Variants in MAML3 observed in about 807,000 individuals in gnomAD.
MAML3 encodes mastermind like transcriptional coactivator 3.
MAML3 carries 27 observed loss-of-function variants against 101.9 expected under a neutral mutation model. The observed-to-expected ratio is 0.27, with a 90% confidence interval of 0.20 to 0.37. The LOEUF (loss-of-function observed/expected upper bound fraction) is 0.37, where lower values mean the gene tolerates loss of function less well. MAML3 is among the 10% of genes least tolerant of loss of function. The pLI, the probability that MAML3 is intolerant of heterozygous loss-of-function variation, is 1.00. For synonymous variants in MAML3, 501 were observed against 555.9 expected, an observed-to-expected ratio of 0.90 and a Z score of 1.39; for missense variants, 1,316 against 1,444.9, an observed-to-expected ratio of 0.91 and a Z score of 1.45.
At chr4:139,767,809 A>C (rs1419110058) in intron 2 of MAML3, among the ~76,000 whole-genome samples, 1 of 152,260 alleles carries the variant, frequency 6.6e-6, no homozygotes, top group Non-Finnish European at 1.5e-5. Context: ...AAAGGGTTAG[A>C]GAGAATCTCA....
Position 140,060,321 on chromosome 4 carries a change from G to A in MAML3, c.468+92539C>T, listed in dbSNP as rs13103470. ...GGGGAGGTTGCAGTGAGCTGAGATC[G>A]TGCCGTTGCACTCCAGCCTGGGCGA... On this transcript the variant is annotated intron_variant, in intron 1 of 4. Transcript: ENST00000509479. Among the ~76,000 whole-genome samples the A allele has an allele frequency of 5.4e-3, 674 of 124,774 alleles. 4 individuals carry two copies. Among genetic ancestry groups the A allele is most frequent in the Non-Finnish European group, 8.6e-3 (541 of 63,174 alleles). 81.9% of individuals were successfully genotyped at this position (124,774 alleles called of 152,430 possible).
chr4:139,941,005 C>T (rs986623159), intron 1 of MAML3, among the ~76,000 whole-genome samples: 2 of 152,192 alleles, frequency 1.3e-5, no homozygotes, highest in Admixed American at 6.5e-5. Flanking sequence ...TTGGATCTCT[C>T]ATTTGTGTTC....
chr4:139,989,882 C>CACACACACACACAG (rs1385720650), intron 1 of MAML3, among the ~76,000 whole-genome samples: 113 of 63,122 alleles, frequency 1.8e-3, no homozygotes, highest in African/African-American at 6.1e-3. Context: ...CACACACACA[C>CACACACACACACAG]AGAGAGAGAG....
intron 1 of MAML3, among the ~76,000 whole-genome samples, chr4:140,075,930 T>C (rs1385432411): frequency 2.6e-5 from 4 of 152,102 alleles, no homozygotes; most frequent in East Asian, 1.9e-4. Context: ...CCAGCTAATT[T>C]TTTGTCTTTT....
chr4:140,083,932 G>GCACACA (rs142768616), intron 1 of MAML3, among the ~76,000 whole-genome samples: 1 of 125,926 alleles, frequency 7.9e-6, no homozygotes, highest in African/African-American at 3.1e-5. Context: ...ACACACGCGC[G>GCACACA]CACACACACA....
intron 1 of MAML3, among the ~76,000 whole-genome samples, chr4:140,104,660 T>C (rs1045090518): frequency 6.7e-6 from 1 of 150,178 alleles, no homozygotes; most frequent in Admixed American, 6.7e-5. Context: ...GCCCAGTTAA[T>C]TTTTGTGTTT....
chr4:139,955,503 C>T (rs1733900677), intron 1 of MAML3, among the ~76,000 whole-genome samples: 2 of 152,102 alleles, frequency 1.3e-5, no homozygotes, highest in South Asian at 2.1e-4. Context: ...TTGTTTCTTT[C>T]TTCTTTTTAA....
intron 2 of MAML3, among the ~76,000 whole-genome samples, chr4:139,769,528 C>T (rs958767777): frequency 2.6e-4 from 40 of 152,248 alleles, no homozygotes; most frequent in Non-Finnish European, 8.8e-5. Flanking sequence ...CTCAATAGTA[C>T]AGTCACCAGG....
intron 2 of MAML3, among the ~76,000 whole-genome samples, chr4:139,762,820 G>A (rs920775171): frequency 6.6e-6 from 1 of 152,152 alleles, no homozygotes; most frequent in African/African-American, 2.4e-5. Flanking sequence ...CCATCTGACG[G>A]GGCTTTAATC....
At chr4:139,891,262 T>A (rs1732492230) in intron 1 of MAML3, among the ~76,000 whole-genome samples, 1 of 152,172 alleles carries the variant, frequency 6.6e-6, no homozygotes, top group Admixed American at 6.5e-5. Flanking sequence ...CAAGGAAGAA[T>A]AATCTGTTAT....
rs370251805 is a variant in MAML3, at chr4:139,725,810, C to T, written c.2357G>A (p.Arg786Gln). Residue 786 changes from arginine to glutamine, a missense_variant, in exon 4 of 5, where the codon CGG becomes CAG. Arg to Gln is a conservative substitution (Grantham distance 43). Transcript: ENST00000509479. ...ATTCCGCTGTGGCTGGAGGTGCTGC[C>T]GGGGTAGATGTGATTGCTGCAACTG... ...EQQLQQSHLP[R>Q]QHLQPQRNPY... 119 of 1,613,750 alleles carry T rather than the reference C, an allele frequency of 7.4e-5. No individual in the cohort carries two copies. The highest frequency in any genetic ancestry group is 6.5e-4 in the African/African-American group (49 of 74,906).
chr4:140,017,397 A>G, intron 1 of MAML3, among the ~76,000 whole-genome samples: 1 of 152,236 alleles, frequency 6.6e-6, no homozygotes, highest in African/African-American at 2.4e-5. Flanking sequence ...CAGTTTCTTT[A>G]AAAACTAAAC....
chr4:139,914,326 T>C (rs941057111), intron 1 of MAML3, among the ~76,000 whole-genome samples: 9 of 152,130 alleles, frequency 5.9e-5, no homozygotes, highest in African/African-American at 2.2e-4. Context: ...CTAGGACCTA[T>C]GTAAGAAGCT....
At chr4:140,132,439 C>T (rs545431149) in intron 1 of MAML3, among the ~76,000 whole-genome samples, 6 of 152,154 alleles carry the variant, frequency 3.9e-5, no homozygotes, top group Admixed American at 1.3e-4. Context: ...GCAGTCAAGA[C>T]AAGGAAAAAA....
chr4:139,719,684 C>T lies in MAML3; in HGVS notation c.3056G>A (p.Arg1019Lys), dbSNP rs1728151172. The T allele has an allele frequency of 6.2e-7, 1 of 1,613,406 alleles. No homozygotes were observed. Among genetic ancestry groups the T allele is most frequent in the African/African-American group, 1.3e-5 (1 of 74,956 alleles). The change falls in exon 5 of 5, where the codon AGG becomes AAG. Residue 1019 changes from arginine (R) to lysine (K), a missense_variant. Transcript: ENST00000509479. ...SVVDANTGTV[R>K]TLNPAAMGRQ... is the part of the protein sequence containing the mutation. ...ACCCATGGCAGCTGGGTTGAGGGTC[C>T]TCACTGTGCCCGTGTTAGCATCCAC...
chr4:140,008,925 C>A (rs1726501684), intron 1 of MAML3, among the ~76,000 whole-genome samples: 1 of 152,156 alleles, frequency 6.6e-6, no homozygotes, highest in Non-Finnish European at 1.5e-5. Context: ...AAAGGGACCG[C>A]AAAATTGTTC....
intron 1 of MAML3, among the ~76,000 whole-genome samples, chr4:139,943,957 G>A (rs1352970197): frequency 7.7e-6 from 1 of 130,266 alleles, no homozygotes; most frequent in Non-Finnish European, 1.5e-5. Context: ...TGCAACCTCC[G>A]CCTCCCGGGT....
At chr4:139,929,199 GA>G (rs1438022816) in intron 1 of MAML3, among the ~76,000 whole-genome samples, 1 of 152,128 alleles carries the variant, frequency 6.6e-6, no homozygotes, top group African/African-American at 2.4e-5. Context: ...AAAAAGGAGG[GA>G]AAAATTAGAC....
In MAML3 at chr4:139,725,830, C is replaced by T. The variant is rs1294582720; in HGVS notation, c.2337G>A (p.Leu779=). The change falls in exon 4 of 5, where the codon TTG becomes TTA. Residue 779 remains leucine (L), a synonymous_variant. Transcript: ENST00000509479. ...QQQQILAEQQ[L]QQSHLPRQHL... ...GCTGCCGGGGTAGATGTGATTGCTG[C>T]AACTGCTAGAACAACAGAACACAAG... is the stretch of plus-strand genomic sequence containing the variant. The T allele has an allele frequency of 6.2e-7, 1 of 1,613,790 alleles. No individual in the cohort carries two copies. Among genetic ancestry groups the T allele is most frequent in the Admixed American group, 1.7e-5 (1 of 60,012 alleles).
Sources: allele counts gnomAD v4.1 joint callset (sites outside exome capture counted in the v4.1 genomes callset), GRCh38; gene constraint gnomAD v4.1.1; transcripts MANE v1.5; gene names NCBI Gene and HGNC (gene_info 2026-07-23, HGNC 2026-07-21).